FAP: variants seen among roughly 807,000 people sequenced by gnomAD.
The protein encoded by FAP is prolyl endopeptidase FAP.
Under a neutral mutation model 126.5 loss-of-function variants are expected in FAP, and 110 were observed. That is an observed-to-expected ratio of 0.87 (90% CI 0.74 to 1.02). The LOEUF (loss-of-function observed/expected upper bound fraction) is 1.02, where lower values mean the gene tolerates loss of function less well. Among genes scored for constraint, FAP ranks in the 50% least tolerant of loss-of-function variants. The probability of loss-of-function intolerance (pLI) is 0.00; values close to 1 mark genes in which losing one functional copy is unlikely to be tolerated. For synonymous variants in FAP, 334 were observed against 297.3 expected, an observed-to-expected ratio of 1.12 and a Z score of -1.27; for missense variants, 919 against 909.2, an observed-to-expected ratio of 1.01 and a Z score of -0.14.
At chr2:162,180,080 T>C (rs993346138) in intron 21 of FAP, among the ~76,000 whole-genome samples, 56 of 151,908 alleles carry the variant, frequency 3.7e-4, no homozygotes, top group Admixed American at 3.7e-3. Context: ...GTACTGGGAT[T>C]ACAGGCATGA....
rs1687274599 is a variant in FAP, at chr2:162,170,703, T to G, written c.*276A>C. ...ACACAATAGCACTTGAACTTCTGAC[T>G]TTATTATTTTTCTTCAAATGAACAG... On this transcript the variant is annotated 3_prime_UTR_variant, in exon 26 of 26. Coordinates refer to ENST00000188790, the MANE Select transcript of FAP (RefSeq NM_004460.5). 1 of 336,870 alleles carries G rather than the reference T, an allele frequency of 3.0e-6. No homozygotes were observed. The highest frequency in any genetic ancestry group is 4.5e-5 in the Admixed American group (1 of 22,394). 20.9% of individuals were successfully genotyped at this position (336,870 alleles called of 1,614,324 possible). A position where few individuals can be genotyped will look rare whatever the true frequency, so the allele number is the denominator to read the frequency against.
intron 16 of FAP, chr2:162,197,441 G>A: frequency 2.5e-6 from 1 of 403,916 alleles, no homozygotes; most frequent in Non-Finnish European, 5.0e-6. Flanking sequence ...TAACTTGAGA[G>A]GGACATTTAA....
intron 10 of FAP, among the ~76,000 whole-genome samples, chr2:162,215,296 C>G (rs1689119573): frequency 6.6e-6 from 1 of 152,184 alleles, no homozygotes; most frequent in Non-Finnish European, 1.5e-5. Context: ...AGGGCCTGGG[C>G]ACCTCTTCCC....
chr2:162,241,817 C>A (rs969852764), intron 2 of FAP, among the ~76,000 whole-genome samples: 1 of 152,180 alleles, frequency 6.6e-6, no homozygotes, highest in African/African-American at 2.4e-5. Context: ...AGAGCAGAAA[C>A]AAAGACTGAA....
intron 22 of FAP, among the ~76,000 whole-genome samples, chr2:162,174,414 A>G (rs966570690): frequency 8.5e-5 from 13 of 152,194 alleles, no homozygotes; most frequent in African/African-American, 3.1e-4. Context: ...AAAAATAGGC[A>G]CAAACAGGAG....
Position 162,203,085 on chromosome 2 carries a change from CA to C in FAP, c.1107del (p.Ser369ArgfsTer30), listed in dbSNP as rs776936878. The C allele has an allele frequency of 1.2e-6, 2 of 1,613,596 alleles. No homozygotes were observed. Among genetic ancestry groups the C allele is most frequent in the African/African-American group, 2.7e-5 (2 of 74,920 alleles). On this transcript the variant is annotated frameshift_variant, in exon 13 of 26. Coordinates refer to ENST00000188790, the MANE Select transcript of FAP (RefSeq NM_004460.5). LOFTEE classifies it high-confidence loss of function. ...TGAATATGTTTGTAGCCATCCTTGT[CA>C]CTAAATATTTTGTAGTACGAAATGG... Reference protein sequence around the residue: ...YDAISYYKIFSDKDGYKHIHY... With the variant: ...YDAISYYKIFXDKDGYKHIHY...
At chr2:162,225,711 T>C (rs1689617675) in intron 3 of FAP, 134 bp from the exon 4 acceptor site, 6 of 832,300 alleles carry the variant, frequency 7.2e-6, no homozygotes, top group South Asian at 2.3e-5. Context: ...CTTTGTGATA[T>C]GTAAAATAGT....
At chr2:162,177,697 A>G (rs1238523650) in intron 21 of FAP, among the ~76,000 whole-genome samples, 1 of 152,048 alleles carries the variant, frequency 6.6e-6, no homozygotes, top group Non-Finnish European at 1.5e-5. Context: ...AACACTCTCT[A>G]TATTTTACTT....
At chr2:162,206,816 T>TG (rs1688715236) in intron 12 of FAP, among the ~76,000 whole-genome samples, 1 of 152,188 alleles carries the variant, frequency 6.6e-6, no homozygotes, top group South Asian at 2.1e-4. Context: ...GATGTGTCAG[T>TG]GCTGGAGGAA....
intron 2 of FAP, among the ~76,000 whole-genome samples, chr2:162,242,312 G>C (rs1191051967): frequency 6.6e-6 from 1 of 152,142 alleles, no homozygotes; most frequent in Admixed American, 6.5e-5. Context: ...GTCAATCTAA[G>C]CCTTTTTTGT....
chr2:162,216,801 C>G (rs1418486994), intron 9 of FAP, among the ~76,000 whole-genome samples: 2 of 152,212 alleles, frequency 1.3e-5, no homozygotes, highest in African/African-American at 4.8e-5. Flanking sequence ...CTCCGTTTCA[C>G]TCCCAAGTTT....
chr2:162,194,648 C>T, intron 17 of FAP, 53 bp downstream of exon 17: 1 of 1,532,444 alleles, frequency 6.5e-7, no homozygotes. Flanking sequence ...CGGAGCATCA[C>T]AGAGAGTTCA....
chr2:162,171,895 C>G (rs974694762), intron 25 of FAP: 1 of 152,064 alleles, frequency 6.6e-6, no homozygotes, highest in African/African-American at 2.4e-5. Flanking sequence ...TCACCTCAAA[C>G]AAATTTCCTT....
intron 21 of FAP, among the ~76,000 whole-genome samples, chr2:162,176,921 G>A (rs564351132): frequency 1.6e-4 from 24 of 148,156 alleles, no homozygotes; most frequent in Non-Finnish European, 1.6e-4. Context: ...TTTTCAGAAT[G>A]AATATAAATT....
At chr2:162,211,431 C>T (rs1206556351) in intron 11 of FAP, among the ~76,000 whole-genome samples, 1 of 152,066 alleles carries the variant, frequency 6.6e-6, no homozygotes, top group Non-Finnish European at 1.5e-5. Flanking sequence ...TAGCAGTTAG[C>T]CTACCTTGCA....
chr2:162,195,422 G>C (rs1688216075), intron 16 of FAP, among the ~76,000 whole-genome samples: 1 of 151,778 alleles, frequency 6.6e-6, no homozygotes, highest in South Asian at 2.1e-4. Context: ...GTCTCCAATG[G>C]GGCAACAAGG....
intron 15 of FAP, among the ~76,000 whole-genome samples, chr2:162,200,192 A>G (rs529485945): frequency 4.1e-4 from 62 of 152,336 alleles, no homozygotes; most frequent in Admixed American, 2.6e-3. Context: ...AGACAGAGTG[A>G]AGGAAATCAC....
Position 162,186,410 on chromosome 2 carries a change from T to C in FAP, c.1814+1759A>G, listed in dbSNP as rs112943772. The stretch of plus-strand genomic sequence containing the variant: ...GAAAATCAGTAGAAGGTAGAATTTA[T>C]GGCTTTGTGTCCTGTATGTTGAATA... On this transcript the variant is annotated intron_variant, in intron 20 of 25. Transcript: ENST00000188790. Among the ~76,000 whole-genome samples the C allele has an allele frequency of 4.4e-3, 669 of 152,234 alleles. 6 individuals are homozygous for C. The highest frequency in any genetic ancestry group is 0.015 in the African/African-American group (623 of 41,560).
chr2:162,224,379 G>A (rs1305381226), intron 5 of FAP, 87 bp downstream of exon 5: 1 of 751,656 alleles, frequency 1.3e-6, no homozygotes, highest in East Asian at 2.6e-5. Context: ...GATAAAGACA[G>A]ACTCTTGCTT....
Sources: gnomAD v4.1 joint callset for allele counts (sites outside exome capture counted in the v4.1 genomes callset) on GRCh38, gnomAD v4.1.1 for gene constraint, MANE v1.5 for transcripts, NCBI Gene and HGNC (gene_info 2026-07-23, HGNC 2026-07-21) for gene names.